BCKDHB: variants seen among roughly 807,000 people sequenced by gnomAD.
BCKDHB encodes branched chain keto acid dehydrogenase E1 subunit beta, also known as 2-oxoisovalerate dehydrogenase subunit beta, mitochondrial.
A neutral mutation model predicts 48.5 loss-of-function variants in BCKDHB; 41 were observed. The observed-to-expected ratio is 0.85, with a 90% CI of 0.66 to 1.10. The LOEUF (loss-of-function observed/expected upper bound fraction) is 1.10, where lower values mean the gene tolerates loss of function less well. BCKDHB is among the 50% of genes least tolerant of loss of function. The pLI is 0.00. For missense variants in BCKDHB, 496 were observed against 494.2 expected (o/e 1.00, Z -0.03); for synonymous variants, 201 against 174.8 (o/e 1.15, Z -1.18).
the BCKDHB span, among the ~76,000 whole-genome samples, chr6:80,433,873 G>A: frequency 6.6e-6 from 1 of 152,068 alleles, no homozygotes; most frequent in Non-Finnish European, 1.5e-5. Context: ...TTGAATCTTT[G>A]GGTTTGTAGG....
chr6:80,301,912 A>G (rs1353420335), intron 9 of BCKDHB, among the ~76,000 whole-genome samples: 1 of 152,212 alleles, frequency 6.6e-6, no homozygotes, highest in Non-Finnish European at 1.5e-5. Flanking sequence ...TCTACTGATT[A>G]CCTCAGTAGA....
chr6:80,176,591 G>A (rs1475367280), intron 6 of BCKDHB, among the ~76,000 whole-genome samples: 2 of 151,884 alleles, frequency 1.3e-5, no homozygotes, highest in South Asian at 4.1e-4. Context: ...AAACTTACCT[G>A]TCTTGCTCTA....
chr6:80,376,182 G>C, the BCKDHB span, among the ~76,000 whole-genome samples: 1 of 151,982 alleles, frequency 6.6e-6, no homozygotes, highest in Admixed American at 6.6e-5. Flanking sequence ...GGCTTGCTGC[G>C]GCTGTTATGG....
chr6:80,423,974 T>C, the BCKDHB span, among the ~76,000 whole-genome samples: 1 of 152,212 alleles, frequency 6.6e-6, no homozygotes, highest in Non-Finnish European at 1.5e-5. Flanking sequence ...AGTGTCCCAG[T>C]TGCTATCAGT....
chr6:80,377,276 A>G, the BCKDHB span, among the ~76,000 whole-genome samples: 1 of 152,104 alleles, frequency 6.6e-6, no homozygotes, highest in Non-Finnish European at 1.5e-5. Context: ...TCCCAAATTC[A>G]AGTGATCTGT....
At chr6:80,458,907 A>G in the BCKDHB span, among the ~76,000 whole-genome samples, 1 of 152,114 alleles carries the variant, frequency 6.6e-6, no homozygotes, top group Non-Finnish European at 1.5e-5. Flanking sequence ...GGAAAATGCA[A>G]ATTATAATTA....
At chr6:80,265,495 C>A (rs1006348257) in intron 8 of BCKDHB, among the ~76,000 whole-genome samples, 1 of 151,934 alleles carries the variant, frequency 6.6e-6, no homozygotes, top group Non-Finnish European at 1.5e-5. Flanking sequence ...GGTTCCTAAA[C>A]CAGTCAGATT....
At chr6:80,279,620 C>G (rs1042767207) in intron 9 of BCKDHB, among the ~76,000 whole-genome samples, 7 of 151,826 alleles carry the variant, frequency 4.6e-5, no homozygotes, top group African/African-American at 1.7e-4. Flanking sequence ...ATTCAAGATC[C>G]TGATCTACTC....
At chr6:80,323,301 G>A (rs910761296) in intron 9 of BCKDHB, among the ~76,000 whole-genome samples, 1 of 152,026 alleles carries the variant, frequency 6.6e-6, no homozygotes, top group African/African-American at 2.4e-5. Flanking sequence ...AATGCCTTTT[G>A]AAGTATTGTG....
At chr6:80,318,582 G>A (rs1459761398) in intron 9 of BCKDHB, among the ~76,000 whole-genome samples, 1 of 151,884 alleles carries the variant, frequency 6.6e-6, no homozygotes, top group Non-Finnish European at 1.5e-5. Flanking sequence ...CTACTCAGGA[G>A]GCTGAGGCAG....
chr6:80,459,266 TG>T, the BCKDHB span, among the ~76,000 whole-genome samples: 4 of 152,184 alleles, frequency 2.6e-5, no homozygotes, highest in African/African-American at 9.7e-5. Flanking sequence ...AAAGAAAATG[TG>T]GTATATACAC....
At chr6:80,165,403 A>C (rs537017940) in intron 3 of BCKDHB, among the ~76,000 whole-genome samples, 1 of 152,218 alleles carries the variant, frequency 6.6e-6, no homozygotes, top group Non-Finnish European at 1.5e-5. Flanking sequence ...ATAGCCTGGC[A>C]AACTACAGGA....
At chr6:80,408,336 C>T in the BCKDHB span, among the ~76,000 whole-genome samples, 3 of 152,044 alleles carry the variant, frequency 2.0e-5, no homozygotes, top group African/African-American at 4.8e-5. Flanking sequence ...GTGTGTCTGC[C>T]AGGCTTTGGT....
chr6:80,179,737 G>T (rs941114444), intron 6 of BCKDHB, among the ~76,000 whole-genome samples: 8 of 152,098 alleles, frequency 5.3e-5, no homozygotes, highest in African/African-American at 1.9e-4. Context: ...GGATTAATTT[G>T]CTTCTTTGAA....
the BCKDHB span, among the ~76,000 whole-genome samples, chr6:80,411,197 GCCC>G: frequency 6.6e-6 from 1 of 152,068 alleles, no homozygotes; most frequent in Non-Finnish European, 1.5e-5. Context: ...CTTCTAACAG[GCCC>G]CTCAGCTGCA....
chr6:80,346,691 G>A (rs910491080), downstream of BCKDHB, among the ~76,000 whole-genome samples: 2 of 151,904 alleles, frequency 1.3e-5, no homozygotes, highest in African/African-American at 4.8e-5. Context: ...TTATTACTTG[G>A]ATAAAAAGAA....
At chr6:80,374,567 C>A in the BCKDHB span, 1 of 671,804 alleles carries the variant, frequency 1.5e-6, no homozygotes. Flanking sequence ...TATAGGGCAC[C>A]ATTTTCACAG....
At chr6:80,418,497 T>C in the BCKDHB span, among the ~76,000 whole-genome samples, 1 of 152,198 alleles carries the variant, frequency 6.6e-6, no homozygotes, top group Admixed American at 6.5e-5. Flanking sequence ...CTTGAGGGTT[T>C]GATTATGGTA....
the BCKDHB span, among the ~76,000 whole-genome samples, chr6:80,352,194 G>A: frequency 3.3e-5 from 5 of 151,750 alleles, no homozygotes; most frequent in South Asian, 1.0e-3. Flanking sequence ...GCCCAGGCTG[G>A]TCTTAAACTC....
Sources: allele counts gnomAD v4.1 joint callset (sites outside exome capture counted in the v4.1 genomes callset), GRCh38; gene constraint gnomAD v4.1.1; transcripts MANE v1.5; gene names NCBI Gene and HGNC (gene_info 2026-07-23, HGNC 2026-07-21).